The following PCDHGB2 variants were observed in gnomAD, a reference collection of about 807,000 sequenced individuals.
The protein encoded by PCDHGB2 is protocadherin gamma subfamily B, 2.
PCDHGB2 carries 55 observed loss-of-function variants against 59.3 expected under a neutral mutation model. That is an observed-to-expected ratio of 0.93 (90% CI 0.75 to 1.16). The LOEUF (loss-of-function observed/expected upper bound fraction) is 1.16. Among genes scored for constraint, PCDHGB2 ranks in the 50% most tolerant of loss-of-function variants. The probability of loss-of-function intolerance (pLI) is 0.00; values close to 1 mark genes in which losing one functional copy is unlikely to be tolerated. For synonymous variants in PCDHGB2, 516 were observed against 512.0 expected (o/e 1.01, Z -0.11); for missense variants, 1,228 against 1,198.5 (o/e 1.02, Z -0.36).
chr5:141,386,487 A>G (rs1374608231), intron 1 of PCDHGB2, among the ~76,000 whole-genome samples: 1 of 149,584 alleles, frequency 6.7e-6, no homozygotes, highest in African/African-American at 2.5e-5. Context: ...GCCCACCTAG[A>G]TAATATAACA....
At chr5:141,455,903 ATTTATTT>A (rs2098836354) in intron 1 of PCDHGB2, among the ~76,000 whole-genome samples, 1 of 145,228 alleles carries the variant, frequency 6.9e-6, no homozygotes, top group African/African-American at 2.7e-5. Context: ...TTATTTATTT[ATTTATTT>A]ATTTTGAGAC....
chr5:141,489,040 C>G lies in PCDHGB2; in HGVS notation c.2422-5767C>G. On this transcript the variant is annotated intron_variant, in intron 1 of 3. Coordinates refer to ENST00000522605, the MANE Select transcript of PCDHGB2 (RefSeq NM_018923.3). This position sits in a 1 kb window ranked among gnomAD's most constrained non-coding sequence, Gnocchi z 4.5. ...CCTCTCCTCCTCCAGCTCCCCAGCT[C>G]CACTCAAATTCAGCTCCCCTCCCCC... 1 of 479,752 alleles carries G rather than the reference C, an allele frequency of 2.1e-6. No homozygotes were observed. The highest frequency in any genetic ancestry group is 3.6e-6 in the Non-Finnish European group (1 of 274,204). 29.7% of individuals were successfully genotyped at this position (479,752 alleles called of 1,614,324 possible). A position where few individuals can be genotyped will look rare whatever the true frequency, so the allele number is the denominator to read the frequency against.
chr5:141,483,255 GTTTT>G (rs147039946), intron 1 of PCDHGB2, among the ~76,000 whole-genome samples: 7,425 of 152,114 alleles, frequency 0.049, 355 homozygotes, highest in African/African-American at 0.13. Context: ...ATATCATGAG[GTTTT>G]TTTGTTTTAG....
chr5:141,398,708 T>A, intron 1 of PCDHGB2: 2 of 1,613,886 alleles, frequency 1.2e-6, no homozygotes, highest in Non-Finnish European at 1.7e-6. Context: ...TACCCGGAAC[T>A]GGCACTGGAG....
chr5:141,455,852 T>C (rs2154565235), intron 1 of PCDHGB2, among the ~76,000 whole-genome samples: 1 of 148,622 alleles, frequency 6.7e-6, no homozygotes, highest in South Asian at 2.1e-4. Context: ...CATAAAATAA[T>C]TTCTTTTATT....
chr5:141,425,127 A>G (rs1353123394), intron 1 of PCDHGB2, among the ~76,000 whole-genome samples: 2 of 152,208 alleles, frequency 1.3e-5, no homozygotes, highest in Non-Finnish European at 2.9e-5. Flanking sequence ...CTTGAAGTCA[A>G]GAAAAATGTT....
chr5:141,403,121 C>A, intron 1 of PCDHGB2: 1 of 1,614,046 alleles, frequency 6.2e-7, no homozygotes, highest in Middle Eastern at 1.6e-4. Context: ...TCTGGAGCCC[C>A]GGGAGCTGGC....
chr5:141,414,778 C>G, intron 1 of PCDHGB2: 5 of 1,614,202 alleles, frequency 3.1e-6, no homozygotes, highest in Non-Finnish European at 3.4e-6. Context: ...GCTACAGATG[C>G]AGGTGACAGC....
At chr5:141,410,807 T>C in intron 1 of PCDHGB2, 1 of 647,592 alleles carries the variant, frequency 1.5e-6, no homozygotes, top group Non-Finnish European at 2.4e-6. Flanking sequence ...CTCTATCTTT[T>C]TGTAAAATAA....
intron 1 of PCDHGB2, chr5:141,379,407 A>G (rs750448486): frequency 1.2e-4 from 18 of 152,228 alleles, no homozygotes; most frequent in Admixed American, 2.6e-4. Flanking sequence ...AATCTTGGAT[A>G]TTAGTCTCAT....
intron 1 of PCDHGB2, among the ~76,000 whole-genome samples, chr5:141,429,664 ATTATT>A (rs2097234085): frequency 6.6e-6 from 1 of 152,214 alleles, no homozygotes; most frequent in Non-Finnish European, 1.5e-5. Context: ...TTTAAAATAT[ATTATT>A]TTATTTTATG....
intron 1 of PCDHGB2, among the ~76,000 whole-genome samples, chr5:141,456,691 G>A (rs564429451): frequency 3.3e-5 from 5 of 152,234 alleles, no homozygotes; most frequent in South Asian, 4.1e-4. Flanking sequence ...CTGGCCAGGC[G>A]TGGTGGCTCG....
At chr5:141,496,948 G>A (rs2099772844) in intron 2 of PCDHGB2, among the ~76,000 whole-genome samples, 1 of 151,826 alleles carries the variant, frequency 6.6e-6, no homozygotes, top group Admixed American at 6.6e-5. Context: ...CACTTTGGGA[G>A]GCCAAGGTGG....
rs1239481973 is a variant in PCDHGB2 at position 141,491,585 on chromosome 5, C to G, written c.2422-3222C>G. On this transcript the variant is annotated intron_variant, in intron 1 of 3. Coordinates refer to ENST00000522605, the MANE Select transcript of PCDHGB2 (RefSeq NM_018923.3). The surrounding 1 kb of genome is among the most constrained non-coding windows in gnomAD (Gnocchi z 6.9). ...TACAGGACGTGCTTTTCACCGGCCT[C>G]GGACGGCAGTGACTTCACTTTTCTA... 6.2e-7 allele frequency: 1 copy of G among 1,613,964 alleles called. No individual in the cohort carries two copies.
chr5:141,476,977 C>T lies in PCDHGB2; in HGVS notation c.2422-17830C>T, dbSNP rs141692339. 3,083 of 1,614,232 alleles carry T rather than the reference C, an allele frequency of 1.9e-3. 52 individuals carry two copies. The African/African-American group carries it at 0.034, about 18-fold the overall frequency. Reference sequence around the variant, plus strand: ...TTATTTACTCCTTCGGCAGCCACAACCGCGCCGGCGTGCGGCAACTATTCG... The same window carrying T: ...TTATTTACTCCTTCGGCAGCCACAATCGCGCCGGCGTGCGGCAACTATTCG... On this transcript the variant is annotated intron_variant, in intron 1 of 3. Coordinates refer to ENST00000522605, the MANE Select transcript of PCDHGB2 (RefSeq NM_018923.3). This position sits in a 1 kb window ranked among gnomAD's most constrained non-coding sequence, Gnocchi z 7.6.
chr5:141,395,643 T>A (rs2150633577), intron 1 of PCDHGB2: 1 of 171,018 alleles, frequency 5.8e-6, no homozygotes, highest in East Asian at 1.7e-4. Flanking sequence ...GCCTTGTTAT[T>A]AGCTTAGCAA....
At chr5:141,378,535 T>G (rs1235721694) in intron 1 of PCDHGB2, 6 of 152,092 alleles carry the variant, frequency 3.9e-5, no homozygotes, top group Admixed American at 3.9e-4. Flanking sequence ...AAAATAATAA[T>G]GATAATTAAT....
chr5:141,421,750 C>A lies in PCDHGB2; in HGVS notation c.2421+59194C>A, dbSNP rs766529731. On this transcript the variant is annotated intron_variant, in intron 1 of 3. Coordinates refer to ENST00000522605, the MANE Select transcript of PCDHGB2 (RefSeq NM_018923.3). ...CTCCCTCCAGAGCTACCAGCTCAGC[C>A]CTAATAATTACTTTTCCTTGCAACT... 4.3e-6 allele frequency: 7 copies of A among 1,613,788 alleles called. No individual in the cohort carries two copies. Among genetic ancestry groups the A allele is most frequent in the Non-Finnish European group, 5.9e-6 (7 of 1,179,864 alleles).
intron 1 of PCDHGB2, among the ~76,000 whole-genome samples, chr5:141,467,882 C>T (rs1278937609): frequency 6.6e-6 from 1 of 152,036 alleles, no homozygotes; most frequent in East Asian, 1.9e-4. Context: ...TGGTCTCAAA[C>T]TCCTGAGCTC....
Sources: gnomAD v4.1 joint callset for allele counts (sites outside exome capture counted in the v4.1 genomes callset) on GRCh38, gnomAD v4.1.1 for gene constraint, Gnocchi (gnomAD v3.1) non-coding constraint, MANE v1.5 for transcripts, NCBI Gene and HGNC (gene_info 2026-07-23, HGNC 2026-07-21) for gene names.